Variants in MTCL2 observed in about 807,000 individuals in gnomAD.
MTCL2 encodes the protein microtubule cross-linking factor 2.
At chr20:36,835,766 T>C in the MTCL2 span, among the ~76,000 whole-genome samples, 3 of 152,022 alleles carry the variant, frequency 2.0e-5, no homozygotes, top group Non-Finnish European at 4.4e-5. Flanking sequence ...GGGATGCTGA[T>C]TGGCTAATTC....
chr20:36,785,704 TTCTGTCC>T, the MTCL2 span: 3 of 985,464 alleles, frequency 3.0e-6, no homozygotes, highest in Non-Finnish European at 3.6e-6. Context: ...CTCTACCTAT[TTCTGTCC>T]TCAAGGGGTC....
chr20:36,797,565 C>T, the MTCL2 span: 2 of 1,556,568 alleles, frequency 1.3e-6, no homozygotes, highest in Non-Finnish European at 1.7e-6. Context: ...GGTCGGCAGC[C>T]TTCTGCAGCT....
the MTCL2 span, among the ~76,000 whole-genome samples, chr20:36,836,307 T>C: frequency 6.6e-6 from 1 of 151,240 alleles, no homozygotes; most frequent in Admixed American, 6.6e-5. Flanking sequence ...CCCATATAGC[T>C]GGGACTATAG....
chr20:36,840,195 C>T, the MTCL2 span, among the ~76,000 whole-genome samples: 25 of 146,778 alleles, frequency 1.7e-4, 1 homozygote, highest in South Asian at 2.1e-4. Flanking sequence ...GACGGAGTCT[C>T]GCTCTGTCGC....
chr20:36,845,853 G>A, the MTCL2 span, among the ~76,000 whole-genome samples: 2 of 152,128 alleles, frequency 1.3e-5, no homozygotes, highest in African/African-American at 4.8e-5. Context: ...GGGGGCCCTG[G>A]GAGGTGGGGG....
At chr20:36,795,569 G>C in the MTCL2 span, among the ~76,000 whole-genome samples, 20 of 152,092 alleles carry the variant, frequency 1.3e-4, no homozygotes, top group African/African-American at 4.1e-4. Flanking sequence ...GAGGTCAGGA[G>C]TTTGAGACTA....
the MTCL2 span, among the ~76,000 whole-genome samples, chr20:36,834,264 A>T: frequency 6.6e-6 from 1 of 152,220 alleles, no homozygotes; most frequent in African/African-American, 2.4e-5. Context: ...GAGGGTAGGA[A>T]TGTCACCCCC....
the MTCL2 span, chr20:36,793,278 C>T: frequency 3.2e-6 from 5 of 1,551,626 alleles, no homozygotes; most frequent in Admixed American, 3.9e-5. The surrounding 1 kb of genome is among the most constrained non-coding windows in gnomAD (Gnocchi z 6.8). Flanking sequence ...GCTCCATCTC[C>T]GTCCCGGAGG....
the MTCL2 span, chr20:36,829,073 T>C: frequency 6.4e-7 from 1 of 1,553,438 alleles, no homozygotes; most frequent in Non-Finnish European, 8.7e-7. Context: ...TCGCTCCAGC[T>C]CCGTCTGCAG....
the MTCL2 span, chr20:36,786,787 T>C: frequency 8.9e-6 from 6 of 676,962 alleles, no homozygotes; most frequent in East Asian, 1.7e-4. Context: ...CAATTTTTTC[T>C]TTCTGTTGTT....
chr20:36,794,114 G>A, the MTCL2 span: 25 of 1,551,314 alleles, frequency 1.6e-5, no homozygotes, highest in East Asian at 3.4e-4. The surrounding 1 kb of genome is among the most constrained non-coding windows in gnomAD (Gnocchi z 5.4). Context: ...AGGCCCGGCC[G>A]CCGAGGGGCT....
the MTCL2 span, among the ~76,000 whole-genome samples, chr20:36,851,067 T>C: frequency 6.6e-6 from 1 of 152,142 alleles, no homozygotes; most frequent in Non-Finnish European, 1.5e-5. Context: ...AGAGAGGAAC[T>C]GACCTCACAG....
chr20:36,823,871 G>T, the MTCL2 span, among the ~76,000 whole-genome samples: 789 of 152,236 alleles, frequency 5.2e-3, 3 homozygotes, highest in African/African-American at 0.018. Flanking sequence ...TTTCCGCAAG[G>T]TTACAGTCAC....
the MTCL2 span, among the ~76,000 whole-genome samples, chr20:36,833,129 C>T: frequency 2.0e-5 from 3 of 152,236 alleles, no homozygotes; most frequent in Admixed American, 6.5e-5. Context: ...GGTTTGAAAT[C>T]GAGTGGGTCA....
At chr20:36,852,187 G>A in the MTCL2 span, among the ~76,000 whole-genome samples, 1 of 152,194 alleles carries the variant, frequency 6.6e-6, no homozygotes, top group Non-Finnish European at 1.5e-5. Flanking sequence ...CAGAGGAACG[G>A]GAGCCTCCGC....
At chr20:36,835,852 C>G in the MTCL2 span, among the ~76,000 whole-genome samples, 1 of 152,098 alleles carries the variant, frequency 6.6e-6, no homozygotes, top group African/African-American at 2.4e-5. Context: ...CACCCGCCTC[C>G]CCGCCGCCGC....
chr20:36,809,308 G>A, the MTCL2 span, among the ~76,000 whole-genome samples: 1 of 152,130 alleles, frequency 6.6e-6, no homozygotes, highest in Non-Finnish European at 1.5e-5. Flanking sequence ...AGACATAATG[G>A]GTAGAAAGTG....
the MTCL2 span, among the ~76,000 whole-genome samples, chr20:36,853,744 G>T: frequency 6.8e-6 from 1 of 147,658 alleles, no homozygotes; most frequent in Non-Finnish European, 1.5e-5. Flanking sequence ...TGTGTGTGTG[G>T]TGGTTGTTGT....
the MTCL2 span, among the ~76,000 whole-genome samples, chr20:36,836,660 A>AT: frequency 6.6e-6 from 1 of 151,516 alleles, no homozygotes; most frequent in South Asian, 2.1e-4. Flanking sequence ...AATTTTTTTT[A>AT]TTTTTTTGTA....
Sources: gnomAD v4.1 joint callset for allele counts (sites outside exome capture counted in the v4.1 genomes callset) on GRCh38, gnomAD v4.1.1 for gene constraint, Gnocchi (gnomAD v3.1) non-coding constraint, MANE v1.5 for transcripts, NCBI Gene and HGNC (gene_info 2026-07-23, HGNC 2026-07-21) for gene names.